The following MYH15 variants were observed in gnomAD, a reference collection of about 807,000 sequenced individuals.
MYH15 encodes myosin heavy chain 15, also known as myosin-15.
A neutral mutation model predicts 240.5 loss-of-function variants in MYH15; 227 were observed. That is an observed-to-expected ratio of 0.94 (90% CI 0.85 to 1.05). The LOEUF is 1.05. Ranked by LOEUF, MYH15 falls within the 50% of genes least tolerant of loss-of-function variation. MYH15 has a pLI of 0.00. For missense variants in MYH15, 2,217 were observed against 2,247.5 expected (o/e 0.99, Z 0.27); for synonymous variants, 785 against 796.7 (o/e 0.99, Z 0.25).
the MYH15 span, among the ~76,000 whole-genome samples, chr3:108,547,621 C>CA: frequency 2.6e-5 from 4 of 151,748 alleles, no homozygotes; most frequent in African/African-American, 7.3e-5. Context: ...TAAGAATATG[C>CA]AAAAAAAGTA....
At chr3:108,531,803 A>AATAAATAAATAAATAC (rs1278373735), upstream of MYH15, among the ~76,000 whole-genome samples, 4 of 150,764 alleles carry the variant, frequency 2.7e-5, no homozygotes, top group East Asian at 7.7e-4. Context: ...TAAATAAATA[A>AATAAATAAATAAATAC]ATACATAAAT....
chr3:108,512,612 G>A (rs1368773777), upstream of MYH15, among the ~76,000 whole-genome samples: 1 of 152,174 alleles, frequency 6.6e-6, no homozygotes, highest in African/African-American at 2.4e-5. Flanking sequence ...GAAGGAGATG[G>A]GTGGGAGAAG....
chr3:108,466,764 C>T (rs2083122155), intron 14 of MYH15, among the ~76,000 whole-genome samples: 1 of 152,140 alleles, frequency 6.6e-6, no homozygotes, highest in Admixed American at 6.5e-5. Context: ...TCAGCATAAC[C>T]CTCTCATGGC....
At position 108,479,022 on chromosome 3, in the gene MYH15, T is replaced by G. The variant is rs545772712; in HGVS notation, c.1115-2507A>C. On this transcript the variant is annotated intron_variant, in intron 11 of 40. Transcript: ENST00000693548. ...TATACATCACATATGTTCTCTGTTT[T>G]GGGGGGAAAGAGGAAACAATAGAGG... Among the ~76,000 whole-genome samples, 13 of 152,274 alleles carry G rather than the reference T, an allele frequency of 8.5e-5. No homozygotes were observed. In the South Asian group the frequency reaches 1.5e-3, roughly 17 times the overall value.
intron 26 of MYH15, 88 bp from the exon 27 acceptor site, chr3:108,428,969 AC>A: frequency 7.4e-7 from 1 of 1,351,056 alleles, no homozygotes; most frequent in South Asian, 1.5e-5. Context: ...CTAACATGAA[AC>A]TTTTGGTTCC....
At chr3:108,484,813 A>C (rs2083292997) in intron 11 of MYH15, among the ~76,000 whole-genome samples, 1 of 152,142 alleles carries the variant, frequency 6.6e-6, no homozygotes, top group Admixed American at 6.6e-5. Flanking sequence ...GTTCTCAATA[A>C]TCTATGTGCT....
intron 7 of MYH15, 78 bp from the exon 8 acceptor site, chr3:108,493,255 A>G: frequency 2.0e-6 from 2 of 1,015,884 alleles, no homozygotes; most frequent in Non-Finnish European, 3.1e-6. Flanking sequence ...CAATGGCTTC[A>G]TTATATGTAA....
intron 24 of MYH15, among the ~76,000 whole-genome samples, chr3:108,438,758 C>G (rs974445869): frequency 6.6e-6 from 1 of 152,134 alleles, no homozygotes; most frequent in African/African-American, 2.4e-5. Flanking sequence ...GACTTCCCAG[C>G]CTCCAGAACT....
At chr3:108,477,712 C>T (rs1222787518) in intron 11 of MYH15, among the ~76,000 whole-genome samples, 1 of 152,130 alleles carries the variant, frequency 6.6e-6, no homozygotes, top group Non-Finnish European at 1.5e-5. Flanking sequence ...CTTCCTTTCC[C>T]GGCAAGGTCT....
chr3:108,523,302 G>T (rs2083637079), intron 1 of MYH15, among the ~76,000 whole-genome samples: 1 of 151,704 alleles, frequency 6.6e-6, no homozygotes, highest in Non-Finnish European at 1.5e-5. Context: ...ATCATTTTGT[G>T]CAATAAAGAT....
intron 2 of MYH15, among the ~76,000 whole-genome samples, chr3:108,504,070 C>A (rs1392592691): frequency 6.6e-6 from 1 of 152,150 alleles, no homozygotes. Context: ...TTATATGCTC[C>A]TATTTATCTG....
chr3:108,521,156 T>C (rs888034549), intron 1 of MYH15, among the ~76,000 whole-genome samples: 14 of 152,128 alleles, frequency 9.2e-5, no homozygotes, highest in African/African-American at 1.2e-4. Flanking sequence ...TAAAAGTGTC[T>C]TGTCTATCCA....
At chr3:108,406,169 G>A (rs1236261036) in intron 32 of MYH15, among the ~76,000 whole-genome samples, 1 of 151,650 alleles carries the variant, frequency 6.6e-6, no homozygotes, top group Non-Finnish European at 1.5e-5. Flanking sequence ...AACCCGTCCT[G>A]AAGCTAAAAA....
At chr3:108,463,364 G>A (rs1239360794) in intron 15 of MYH15, 121 bp from the exon 16 acceptor site, 4 of 1,056,248 alleles carry the variant, frequency 3.8e-6, no homozygotes, top group Non-Finnish European at 5.4e-6. Flanking sequence ...ATCCAGGCTA[G>A]AATGCAGTGG....
Position 108,492,543 on chromosome 3 carries a change from G to A in MYH15, c.828C>T (p.Tyr276=). The A allele has an allele frequency of 1.2e-6, 2 of 1,613,604 alleles. No homozygotes were observed. Among genetic ancestry groups the A allele is most frequent in the Non-Finnish European group, 1.7e-6 (2 of 1,179,638 alleles). Residue 276 remains tyrosine, a synonymous_variant, in exon 9 of 41, where the codon TAC becomes TAT. Coordinates refer to ENST00000693548, the MANE Select transcript of MYH15 (RefSeq NM_014981.3). ...CAGATAGAATTTGATAGAATATGTG[G>A]TAGTTCCTCTCTCCAGCCTGCTGGA... is the stretch of plus-strand genomic sequence containing the variant. ...VIFQQAGERN[Y]HIFYQILSGQ...
At chr3:108,535,662 T>C in the MYH15 span, among the ~76,000 whole-genome samples, 1 of 152,192 alleles carries the variant, frequency 6.6e-6, no homozygotes, top group African/African-American at 2.4e-5. Context: ...CTAAGGAGAT[T>C]CTAACAATGT....
rs2082485295 is a variant in MYH15 at position 108,399,114 on chromosome 3, T to C, written c.4890A>G (p.Glu1630=). Residue 1630 remains glutamate, a synonymous_variant, in exon 34 of 41, where the codon GAA becomes GAG. Coordinates refer to ENST00000693548, the MANE Select transcript of MYH15 (RefSeq NM_014981.3). The part of the protein sequence containing the change: ...QLSCANRQVS[E]ATKSLGQLQI... The stretch of plus-strand genomic sequence containing the variant: ...GAAGCTGGCCCAGGGATTTGGTTGC[T>C]TCTGACACCTGCCGGTTGGCACAGC... 6.2e-7 allele frequency: 1 copy of C among 1,614,068 alleles called. No individual in the cohort carries two copies. The highest frequency in any genetic ancestry group is 1.7e-5 in the Admixed American group (1 of 59,996).
upstream of MYH15, among the ~76,000 whole-genome samples, chr3:108,531,855 C>T (rs1452435727): frequency 1.3e-5 from 2 of 151,700 alleles, no homozygotes; most frequent in Non-Finnish European, 2.9e-5. Context: ...CACCTATTAG[C>T]AACAGGTCTT....
At chr3:108,497,610 T>C (rs780552143) in intron 6 of MYH15, among the ~76,000 whole-genome samples, 9 of 152,290 alleles carry the variant, frequency 5.9e-5, no homozygotes, top group East Asian at 5.8e-4. Flanking sequence ...GGTATATTCA[T>C]TGGGCATTTA....
Sources: gnomAD v4.1 joint callset for allele counts (sites outside exome capture counted in the v4.1 genomes callset) on GRCh38, gnomAD v4.1.1 for gene constraint, MANE v1.5 for transcripts, NCBI Gene and HGNC (gene_info 2026-07-23, HGNC 2026-07-21) for gene names.